The following PRR12 variants were observed in gnomAD, a reference collection of about 807,000 sequenced individuals.
The protein encoded by PRR12 is proline-rich protein 12.
Under a neutral mutation model 138.0 loss-of-function variants are expected in PRR12, and 12 were observed. The observed-to-expected ratio is 0.09, with a 90% confidence interval of 0.06 to 0.14. The LOEUF (loss-of-function observed/expected upper bound fraction) is 0.14, where lower values mean the gene tolerates loss of function less well. Ranked by LOEUF, PRR12 falls within the 10% of genes least tolerant of loss-of-function variation. PRR12 has a pLI of 1.00. For missense variants in PRR12, 2,692 were observed against 2,861.3 expected, an observed-to-expected ratio of 0.94 and a Z score of 1.35; for synonymous variants, 1,567 against 1,291.7, an observed-to-expected ratio of 1.21 and a Z score of -4.57.
rs1215611909 is a variant in PRR12, at chr19:49,596,056, C to T, written c.1721C>T (p.Thr574Ile). ...IIRPLQSPPA[T>I]GRPPGVGSPG... ...CGTCCGCTCCAGTCACCGCCTGCCA[C>T]CGGCCGTCCACCTGGAGTCGGCTCT... Residue 574 changes from threonine to isoleucine, a missense_variant, in exon 4 of 14, where the codon ACC (threonine) becomes ATC (isoleucine). Coordinates refer to ENST00000418929, the MANE Select transcript of PRR12 (RefSeq NM_020719.3). The surrounding 1 kb of genome is among the most constrained non-coding windows in gnomAD (Gnocchi z 5.6). 4 of 1,601,618 alleles carry T rather than the reference C, an allele frequency of 2.5e-6. No homozygotes were observed. Among genetic ancestry groups the T allele is most frequent in the South Asian group, 1.1e-5 (1 of 91,092 alleles).
intron 6 of PRR12, among the ~76,000 whole-genome samples, chr19:49,612,111 G>T (rs2080869827): frequency 6.6e-6 from 1 of 150,880 alleles, no homozygotes. Flanking sequence ...TGTGCCTCTA[G>T]TCCCAGCTAT....
At position 49,594,393 on chromosome 19, in the gene PRR12, C is replaced by T; in HGVS notation, c.200-61C>T. 6.8e-7 allele frequency: 1 copy of T among 1,464,924 alleles called. No homozygotes were observed. Among genetic ancestry groups the T allele is most frequent in the Non-Finnish European group, 9.2e-7 (1 of 1,091,334 alleles). The allele number at this position is 1,464,924 out of a possible 1,614,324, so 90.7% of individuals were successfully genotyped here. A position where few individuals can be genotyped will look rare whatever the true frequency, so the allele number is the denominator to read the frequency against. ...AACTTGCTTTTGGCCTCTTCCCTTT[C>T]TCTCTTGACTGTATCCTACCCACCC... is the stretch of plus-strand genomic sequence containing the variant. On this transcript the variant is annotated intron_variant, in intron 2 of 13. Coordinates refer to ENST00000418929, the MANE Select transcript of PRR12 (RefSeq NM_020719.3). The surrounding 1 kb of genome is among the most constrained non-coding windows in gnomAD (Gnocchi z 5.6).
chr19:49,595,860 G>T lies in PRR12; in HGVS notation c.1525G>T (p.Val509Leu), dbSNP rs758293720. Residue 509 changes from valine (V) to leucine (L), a missense_variant, in exon 4 of 14, where the codon GTG (valine) becomes TTG (leucine). Physicochemically the swap from Val to Leu is conservative, Grantham distance 32. Transcript: ENST00000418929. ...CCAGCTGCAGGGGCAGCTGTATGGG[G>T]TGCAGGGCGAGCCATACCCAGGGCC... ...PDQLQGQLYG[V>L]QGEPYPGPAA... is the part of the protein sequence containing the mutation. The T allele has an allele frequency of 6.2e-7, 1 of 1,601,968 alleles. No homozygotes were observed. The highest frequency in any genetic ancestry group is 8.5e-7 in the Non-Finnish European group (1 of 1,178,790).
chr19:49,591,762 A>G, intron 1 of PRR12, 22 bp downstream of exon 1: 1 of 1,413,970 alleles, frequency 7.1e-7, no homozygotes, highest in African/African-American at 1.5e-5. Context: ...AGGGTGGCCT[A>G]GAGAAGGGGG....
chr19:49,619,998 G>A (rs1244385385), intron 9 of PRR12, among the ~76,000 whole-genome samples: 1 of 151,692 alleles, frequency 6.6e-6, no homozygotes, highest in African/African-American at 2.4e-5. Flanking sequence ...GATTACAGGC[G>A]TGTGCCACCA....
rs1220433289 is a variant in PRR12 at position 49,596,035 on chromosome 19, C to T, written c.1700C>T (p.Pro567Leu). Residue 567 changes from proline (P) to leucine (L), a missense_variant, in exon 4 of 14, where the codon CCG becomes CTG. Pro to Leu is a moderately conservative substitution (Grantham distance 98). This residue lies in a region of PRR12 where 66 missense variants were observed against 102.4 expected (regional missense o/e 0.64). Transcript: ENST00000418929. This position sits in a 1 kb window ranked among gnomAD's most constrained non-coding sequence, Gnocchi z 5.6. ...GCCAGCCCATCTCACATCATTCGTC[C>T]GCTCCAGTCACCGCCTGCCACCGGC... ...GEASPSHIIR[P>L]LQSPPATGRP... is the part of the protein sequence containing the mutation. 5.0e-6 allele frequency: 8 copies of T among 1,601,380 alleles called. No individual in the cohort carries two copies. Among genetic ancestry groups the T allele is most frequent in the Non-Finnish European group, 6.8e-6 (8 of 1,179,738 alleles).
At chr19:49,606,120 C>T (rs552160273) in intron 6 of PRR12, among the ~76,000 whole-genome samples, 8 of 152,240 alleles carry the variant, frequency 5.3e-5, no homozygotes, top group African/African-American at 1.9e-4. Context: ...CCCACCTCAG[C>T]CTCCCAAGTA....
intron 9 of PRR12, among the ~76,000 whole-genome samples, chr19:49,619,224 GTTTTT>G (rs34027784): frequency 2.5e-5 from 2 of 79,768 alleles, no homozygotes; most frequent in African/African-American, 5.4e-5. Context: ...CCTCCTGTGA[GTTTTT>G]TTTTTTTTTT....
chr19:49,596,773 C>T lies in PRR12; in HGVS notation c.2438C>T (p.Ser813Phe), dbSNP rs1212911352. The change falls in exon 4 of 14, where the codon TCT (serine) becomes TTT (phenylalanine). Residue 813 changes from serine to phenylalanine, a missense_variant. Physicochemically the swap from Ser to Phe is radical, Grantham distance 155 (BLOSUM62 -2). This residue lies in a region of PRR12 where 840 missense variants were observed against 689.8 expected (regional missense o/e 1.22). Transcript: ENST00000418929. The surrounding 1 kb of genome is among the most constrained non-coding windows in gnomAD (Gnocchi z 5.6). ...PSVLSHAPSP[S>F]PSASKVGVHL... ...GTCCTCAGCCATGCCCCCAGTCCCT[C>T]TCCCAGCGCCTCCAAAGTCGGCGTC... The T allele has an allele frequency of 1.2e-6, 2 of 1,603,368 alleles. No individual in the cohort carries two copies. The highest frequency in any genetic ancestry group is 1.7e-6 in the Non-Finnish European group (2 of 1,179,290).
chr19:49,622,907 ACATATATAT>A (rs1451878376), intron 11 of PRR12, among the ~76,000 whole-genome samples: 1 of 79,264 alleles, frequency 1.3e-5, no homozygotes, highest in Non-Finnish European at 2.4e-5. Context: ...AAAAACAAAA[ACATATATAT>A]ATATATATAT....
chr19:49,596,133 C>T lies in PRR12; in HGVS notation c.1798C>T (p.Leu600=), dbSNP rs1035369299. ...CTCAGTCTTGGCCTCAGCGCCTTTC[C>T]TGGCACCTCCGGGAGCTGGCAGCTA... ...LSSVLASAPF[L]APPGAGSYAA... is the part of the protein sequence containing the mutation. Residue 600 remains leucine (L), a synonymous_variant, in exon 4 of 14, where the codon CTG becomes TTG. Coordinates refer to ENST00000418929, the MANE Select transcript of PRR12 (RefSeq NM_020719.3). The surrounding 1 kb of genome is among the most constrained non-coding windows in gnomAD (Gnocchi z 5.6). 1 of 1,605,296 alleles carries T rather than the reference C, an allele frequency of 6.2e-7. No homozygotes were observed. Among genetic ancestry groups the T allele is most frequent in the Non-Finnish European group, 8.5e-7 (1 of 1,179,774 alleles).
chr19:49,616,360 G>C lies in PRR12; in HGVS notation c.5497+141G>C, dbSNP rs1055202051. On this transcript the variant is annotated intron_variant, in intron 9 of 13. Coordinates refer to ENST00000418929, the MANE Select transcript of PRR12 (RefSeq NM_020719.3). This position sits in a 1 kb window ranked among gnomAD's most constrained non-coding sequence, Gnocchi z 4.2. ...GATAATGGCAGTAGCTCACAGTCAC[G>C]GGGCATCTCACTACACGACAGGCTG... 2 of 719,046 alleles carry C rather than the reference G, an allele frequency of 2.8e-6. No homozygotes were observed. The highest frequency in any genetic ancestry group is 4.2e-6 in the Non-Finnish European group (2 of 476,662). 44.5% of individuals were successfully genotyped at this position (719,046 alleles called of 1,614,324 possible).
chr19:49,621,646 G>A (rs757679120), intron 11 of PRR12, 24 bp downstream of exon 11: 1 of 1,547,806 alleles, frequency 6.5e-7, no homozygotes. Flanking sequence ...TGGGCAGGGG[G>A]TGTCTGGGGC....
chr19:49,596,640 C>T lies in PRR12; in HGVS notation c.2305C>T (p.Pro769Ser), dbSNP rs200746181. The T allele has an allele frequency of 1.3e-6, 2 of 1,597,362 alleles. No individual in the cohort carries two copies. The highest frequency in any genetic ancestry group is 2.2e-5 in the South Asian group (2 of 89,610). The change falls in exon 4 of 14, where the codon CCC becomes TCC. Residue 769 changes from proline (P) to serine (S), a missense_variant. By Grantham distance (74) the Pro-to-Ser change is moderately conservative. This residue lies in a region of PRR12 where 840 missense variants were observed against 689.8 expected (regional missense o/e 1.22). Transcript: ENST00000418929. The surrounding 1 kb of genome is among the most constrained non-coding windows in gnomAD (Gnocchi z 5.6). ...GCAAAAGAGCCCTCCGCCCCCACCT[C>T]CCACGGCCCAGTCTACCCAGCCCAC... ...FLQKSPPPPP[P>S]TAQSTQPTPH...
Position 49,597,491 on chromosome 19 carries a change from C to T in PRR12, c.3156C>T (p.Ala1052=), listed in dbSNP as rs924407279. 4 of 1,549,486 alleles carry T rather than the reference C, an allele frequency of 2.6e-6. No individual in the cohort carries two copies. The highest frequency in any genetic ancestry group is 2.0e-5 in the Admixed American group (1 of 51,100). Residue 1052 remains alanine, a synonymous_variant, in exon 4 of 14, where the codon GCC becomes GCT. Transcript: ENST00000418929. This position sits in a 1 kb window ranked among gnomAD's most constrained non-coding sequence, Gnocchi z 6.3. ...PPPPPPPPAP[A]SEPKGGLTSP... is the part of the protein sequence containing the mutation. ...CGCCACCGCCGCCTCCCGCGCCGGC[C>T]TCCGAACCCAAGGGTGGCCTCACCT... is the stretch of plus-strand genomic sequence containing the variant.
chr19:49,621,955 T>C (rs765614302), intron 11 of PRR12, among the ~76,000 whole-genome samples: 3 of 152,162 alleles, frequency 2.0e-5, no homozygotes, highest in African/African-American at 4.8e-5. Flanking sequence ...GTGAGTCCAA[T>C]GCAGGCTATT....
Position 49,597,174 on chromosome 19 carries a change from T to TCCC in PRR12, c.2839_2840insCCC (p.Phe947delinsSerLeu). 6.4e-7 allele frequency: 1 copy of TCCC among 1,553,508 alleles called. No individual in the cohort carries two copies. The highest frequency in any genetic ancestry group is 8.7e-7 in the Non-Finnish European group (1 of 1,148,550). ...GCTCCAAGACGAGGAGCGCAGCTTCTTCCCCACCATGGAGGAGATGTTCGG... is the reference window on the plus strand; with the variant it reads ...GCTCCAAGACGAGGAGCGCAGCTTCTCCCTCCCCACCATGGAGGAGATGTTCGG... On this transcript the variant is annotated protein_altering_variant, in exon 4 of 14. Coordinates refer to ENST00000418929, the MANE Select transcript of PRR12 (RefSeq NM_020719.3). This position sits in a 1 kb window ranked among gnomAD's most constrained non-coding sequence, Gnocchi z 6.3.
rs2080745916 is a variant in PRR12 at position 49,593,767 on chromosome 19, T to C, written c.199+328T>C. 2.0e-5 allele frequency among the ~76,000 whole-genome samples: 3 copies of C among 152,322 alleles called. No homozygotes were observed. The South Asian group carries it at 6.2e-4, about 32-fold the overall frequency. On this transcript the variant is annotated intron_variant, in intron 2 of 13. Coordinates refer to ENST00000418929, the MANE Select transcript of PRR12 (RefSeq NM_020719.3). ...TCCCTCTGGGTTTGCCCTATTCTTT[T>C]GGCTCTTTGGAACTCTGAATTCTTT...
At position 49,615,598 on chromosome 19, in the gene PRR12, C is replaced by CCCAGAGAGGGAGGGGATCAGAGTG. The variant is rs1568430057; in HGVS notation, c.5025-133_5025-132insTCAGAGTGCCAGAGAGGGAGGGGA. 24 of 687,290 alleles carry CCCAGAGAGGGAGGGGATCAGAGTG rather than the reference C, an allele frequency of 3.5e-5. No homozygotes were observed. The African/African-American group carries it at 3.9e-4, about 11-fold the overall frequency. 42.6% of individuals were successfully genotyped at this position (687,290 alleles called of 1,614,324 possible). The stretch of plus-strand genomic sequence containing the variant: ...TCCCAGAGAGGGAGGGGGTCAGAGT[C>CCCAGAGAGGGAGGGGATCAGAGTG]CCAGAGAGGGAGGGGAACAGAGACC... On this transcript the variant is annotated intron_variant, in intron 8 of 13. Transcript: ENST00000418929.
Sources: allele counts gnomAD v4.1 joint callset (sites outside exome capture counted in the v4.1 genomes callset), GRCh38; gene constraint gnomAD v4.1.1; regional missense constraint gnomAD v4.1.1; non-coding constraint Gnocchi (gnomAD v3.1); transcripts MANE v1.5; gene names NCBI Gene and HGNC (gene_info 2026-07-23, HGNC 2026-07-21).